EPHA3: variants seen among roughly 807,000 people sequenced by gnomAD.
EPHA3 encodes EPH receptor A3, also known as ephrin type-A receptor 3.
In EPHA3, 42 loss-of-function variants were observed where a neutral mutation model predicts 107.1. That is an observed-to-expected ratio of 0.39 (90% CI 0.31 to 0.51). EPHA3 has a LOEUF of 0.51. Among genes scored for constraint, EPHA3 ranks in the 20% least tolerant of loss-of-function variants. The pLI is 0.78. For missense variants in EPHA3, 1,183 were observed against 1,211.2 expected (o/e 0.98, Z 0.35); for synonymous variants, 461 against 424.8 (o/e 1.09, Z -1.05).
chr3:89,419,266 G>T lies in EPHA3; in HGVS notation c.1950G>T (p.Val650=), dbSNP rs1184828350. Residue 650 remains valine, a synonymous_variant, in exon 11 of 17, where the codon GTG becomes GTT. Coordinates refer to ENST00000336596, the MANE Select transcript of EPHA3 (RefSeq NM_005233.6). Reference sequence around the variant, plus strand: ...TTCCTTCAAAAAAAGAGATTTCAGTGGCCATTAAGACCCTGAAAGTTGGCT... The same window carrying T: ...TTCCTTCAAAAAAAGAGATTTCAGTTGCCATTAAGACCCTGAAAGTTGGCT... ...LKLPSKKEIS[V]AIKTLKVGYT... 1 of 1,610,136 alleles carries T rather than the reference G, an allele frequency of 6.2e-7. No homozygotes were observed. The highest frequency in any genetic ancestry group is 8.5e-7 in the Non-Finnish European group (1 of 1,177,642).
At chr3:89,193,436 C>T (rs1705765000) in intron 2 of EPHA3, among the ~76,000 whole-genome samples, 1 of 151,962 alleles carries the variant, frequency 6.6e-6, no homozygotes, top group Non-Finnish European at 1.5e-5. Flanking sequence ...TTTCTTCATC[C>T]TTGATCATTT....
intron 13 of EPHA3, among the ~76,000 whole-genome samples, chr3:89,435,632 A>G (rs1709653996): frequency 6.8e-6 from 1 of 147,018 alleles, no homozygotes; most frequent in African/African-American, 2.5e-5. Flanking sequence ...TTATATATAA[A>G]TACTATATAT....
At chr3:89,368,913 AC>A (rs1172426585) in intron 5 of EPHA3, among the ~76,000 whole-genome samples, 2 of 150,722 alleles carry the variant, frequency 1.3e-5, no homozygotes, top group East Asian at 3.9e-4. Context: ...ATAGTTAGCA[AC>A]CATTAATTTT....
chr3:89,301,982 T>C (rs563566392), intron 3 of EPHA3, among the ~76,000 whole-genome samples: 18 of 152,248 alleles, frequency 1.2e-4, no homozygotes, highest in Admixed American at 1.1e-3. Flanking sequence ...TAAAATAAAA[T>C]GTGGCTACCT....
At chr3:89,127,785 T>C (rs933965094) in intron 2 of EPHA3, among the ~76,000 whole-genome samples, 7 of 152,068 alleles carry the variant, frequency 4.6e-5, no homozygotes, top group African/African-American at 1.4e-4. Flanking sequence ...AAAATGGGAA[T>C]ATTACTTAGA....
At chr3:89,119,572 A>G (rs1040800629) in intron 1 of EPHA3, among the ~76,000 whole-genome samples, 1 of 152,154 alleles carries the variant, frequency 6.6e-6, no homozygotes, top group African/African-American at 2.4e-5. Context: ...CTGTGTTTGT[A>G]GATGTCCATC....
chr3:89,260,819 G>T (rs1705395511), intron 3 of EPHA3, among the ~76,000 whole-genome samples: 1 of 152,144 alleles, frequency 6.6e-6, no homozygotes, highest in Admixed American at 6.5e-5. Flanking sequence ...CACCCTCTGT[G>T]CTGACTTCCA....
At chr3:89,439,236 G>A (rs1709734047) in intron 13 of EPHA3, among the ~76,000 whole-genome samples, 1 of 152,146 alleles carries the variant, frequency 6.6e-6, no homozygotes, top group Non-Finnish European at 1.5e-5. Context: ...GGCCCACCTT[G>A]CAGGAAGACA....
intron 2 of EPHA3, among the ~76,000 whole-genome samples, chr3:89,206,517 G>A (rs1258780419): frequency 2.6e-5 from 4 of 152,134 alleles, no homozygotes; most frequent in Admixed American, 6.5e-5. Context: ...GTTATGGAAA[G>A]CATTTGTTCT....
At chr3:89,245,974 C>T (rs960306423) in intron 3 of EPHA3, among the ~76,000 whole-genome samples, 1 of 152,080 alleles carries the variant, frequency 6.6e-6, no homozygotes, top group African/African-American at 2.4e-5. Context: ...TAAATTAGAT[C>T]CACAGTTGGG....
chr3:89,313,772 T>C (rs1237739881), intron 3 of EPHA3, among the ~76,000 whole-genome samples: 1 of 151,896 alleles, frequency 6.6e-6, no homozygotes, highest in Non-Finnish European at 1.5e-5. Flanking sequence ...TAACAAAAAG[T>C]GAATAAAAGC....
intron 15 of EPHA3, among the ~76,000 whole-genome samples, chr3:89,471,611 GCCTCAA>G (rs924794692): frequency 1.2e-4 from 18 of 152,032 alleles, no homozygotes; most frequent in Non-Finnish European, 7.4e-5. Context: ...TGACCCGCCG[GCCTCAA>G]CCTCCCAAAG....
intron 2 of EPHA3, among the ~76,000 whole-genome samples, chr3:89,162,404 A>C: frequency 6.6e-6 from 1 of 152,186 alleles, no homozygotes; most frequent in East Asian, 1.9e-4. Flanking sequence ...TTTATGCAAA[A>C]GCAAATGCAA....
intron 5 of EPHA3, among the ~76,000 whole-genome samples, chr3:89,356,154 G>A (rs1256537550): frequency 6.6e-6 from 1 of 150,768 alleles, no homozygotes; most frequent in Non-Finnish European, 1.5e-5. Flanking sequence ...CCCTACAGAG[G>A]ACATGAACTC....
intron 3 of EPHA3, among the ~76,000 whole-genome samples, chr3:89,252,199 T>C (rs544849479): frequency 6.6e-5 from 10 of 152,288 alleles, no homozygotes; most frequent in South Asian, 6.2e-4. Context: ...TTTCCACATA[T>C]GCTTGCCAAA....
At chr3:89,476,299 G>T (rs966497284) in intron 16 of EPHA3, among the ~76,000 whole-genome samples, 3 of 148,160 alleles carry the variant, frequency 2.0e-5, no homozygotes, top group African/African-American at 4.9e-5. Flanking sequence ...AACATTTCTT[G>T]AGGAATACAC....
chr3:89,408,074 G>T lies in EPHA3; in HGVS notation c.1705G>T (p.Gly569Cys). Residue 569 changes from glycine to cysteine, a missense_variant, in exon 9 of 17, where the codon GGC becomes TGC. By Grantham distance (159) the Gly-to-Cys change is radical. Coordinates refer to ENST00000336596, the MANE Select transcript of EPHA3 (RefSeq NM_005233.6). ...TCCTTGATTTACCTCCAGGTTCTGT[G>T]GCTATAAGTCAAAACATGGGGCAGA... is the stretch of plus-strand genomic sequence containing the variant. The part of the protein sequence containing the change: ...VIYVLIGRFC[G>C]YKSKHGADEK... 1 of 1,612,696 alleles carries T rather than the reference G, an allele frequency of 6.2e-7. No individual in the cohort carries two copies. Among genetic ancestry groups the T allele is most frequent in the Non-Finnish European group, 8.5e-7 (1 of 1,179,046 alleles).
chr3:89,166,402 C>T (rs1705066804), intron 2 of EPHA3, among the ~76,000 whole-genome samples: 1 of 152,120 alleles, frequency 6.6e-6, no homozygotes, highest in Admixed American at 6.5e-5. Flanking sequence ...AACTAAAACA[C>T]ATGGAGAGGA....
intron 3 of EPHA3, among the ~76,000 whole-genome samples, chr3:89,211,805 T>C (rs1477795733): frequency 0.011 from 1,021 of 95,504 alleles, 6 homozygotes; most frequent in African/African-American, 0.03. Flanking sequence ...TTCTTCTTCT[T>C]CTTCTTCTTC....
Sources: gnomAD v4.1 joint callset for allele counts (sites outside exome capture counted in the v4.1 genomes callset) on GRCh38, gnomAD v4.1.1 for gene constraint, MANE v1.5 for transcripts, NCBI Gene and HGNC (gene_info 2026-07-23, HGNC 2026-07-21) for gene names.